DENND1B: variants seen among roughly 807,000 people sequenced by gnomAD.
The protein encoded by DENND1B is DENN domain containing 1B.
A neutral mutation model predicts 90.1 loss-of-function variants in DENND1B; 59 were observed. That is an observed-to-expected ratio of 0.65 (90% CI 0.53 to 0.81). The LOEUF (loss-of-function observed/expected upper bound fraction) is 0.81. Among genes scored for constraint, DENND1B ranks in the 40% least tolerant of loss-of-function variants. The pLI is 0.00. For synonymous variants in DENND1B, 337 were observed against 324.6 expected (o/e 1.04, Z -0.41); for missense variants, 862 against 912.6 (o/e 0.94, Z 0.71).
chr1:197,505,381 T>G lies in DENND1B; in HGVS notation c.*5079A>C, dbSNP rs1667682529. On this transcript the variant is annotated 3_prime_UTR_variant, in exon 23 of 23. Coordinates refer to ENST00000620048, the MANE Select transcript of DENND1B (RefSeq NM_001195215.2). ...TAATGGACCTCAACAAGGCTCACAT[T>G]TGAGAAATGAAATAACAGAGATGAA... 6.6e-6 allele frequency: 1 copy of G among 151,664 alleles called. No individual in the cohort carries two copies. The highest frequency in any genetic ancestry group is 2.4e-5 in the African/African-American group (1 of 41,374). 9.4% of individuals were successfully genotyped at this position (151,664 alleles called of 1,614,324 possible).
intron 15 of DENND1B, among the ~76,000 whole-genome samples, chr1:197,570,050 T>C (rs1673016407): frequency 6.6e-6 from 1 of 151,988 alleles, no homozygotes; most frequent in Non-Finnish European, 1.5e-5. Context: ...CAAATTCCAA[T>C]ATCAGAACAT....
Position 197,505,183 on chromosome 1 carries a change from CA to C in DENND1B, c.*5276del, listed in dbSNP as rs1667673942. On this transcript the variant is annotated 3_prime_UTR_variant, in exon 23 of 23. Coordinates refer to ENST00000620048, the MANE Select transcript of DENND1B (RefSeq NM_001195215.2). Reference sequence around the variant, plus strand: ...CACTGCTGTAAGTACTAAACTACAACAGACTCAAGAAATCCACTTTTTCAAA... The same window carrying C: ...CACTGCTGTAAGTACTAAACTACAACGACTCAAGAAATCCACTTTTTCAAA... The C allele has an allele frequency of 6.6e-6, 1 of 151,756 alleles. No individual in the cohort carries two copies. Among genetic ancestry groups the C allele is most frequent in the South Asian group, 2.1e-4 (1 of 4,826 alleles). The allele number at this position is 151,756 out of a possible 1,614,324, so 9.4% of individuals were successfully genotyped here.
chr1:197,583,012 C>T (rs1025148882), intron 15 of DENND1B, 140 bp downstream of exon 15: 18 of 684,200 alleles, frequency 2.6e-5, no homozygotes, highest in Admixed American at 8.3e-5. Flanking sequence ...TAACTAGCTA[C>T]GACTTACAAA....
At chr1:197,596,149 C>T (rs1206671667) in intron 13 of DENND1B, among the ~76,000 whole-genome samples, 2 of 151,938 alleles carry the variant, frequency 1.3e-5, no homozygotes, top group African/African-American at 4.8e-5. Flanking sequence ...CAAAGAAAAA[C>T]TTACCTAAAA....
At chr1:197,588,107 G>C (rs968952531) in intron 14 of DENND1B, among the ~76,000 whole-genome samples, 1 of 152,326 alleles carries the variant, frequency 6.6e-6, no homozygotes, top group Admixed American at 6.5e-5. Flanking sequence ...CCTAACGGGA[G>C]CTGGGGATCC....
At chr1:197,768,274 CCTA>C (rs367930633) in intron 2 of DENND1B, among the ~76,000 whole-genome samples, 15 of 150,884 alleles carry the variant, frequency 9.9e-5, no homozygotes, top group South Asian at 4.2e-4. Context: ...TCCTCCTCCT[CCTA>C]CTACTACTGC....
intron 2 of DENND1B, chr1:197,746,800 C>T: frequency 1.3e-6 from 2 of 1,597,692 alleles, no homozygotes; most frequent in Non-Finnish European, 8.6e-7. Context: ...TTGCTTCAAA[C>T]CCCCATGCAA....
chr1:197,645,188 T>C (rs1572176357), intron 9 of DENND1B, among the ~76,000 whole-genome samples: 6 of 152,098 alleles, frequency 3.9e-5, no homozygotes, highest in Admixed American at 3.9e-4. Flanking sequence ...TTGCAAGATA[T>C]GTATTGCTTT....
chr1:197,598,374 A>G (rs546138390), intron 13 of DENND1B, among the ~76,000 whole-genome samples: 1 of 151,952 alleles, frequency 6.6e-6, no homozygotes, highest in East Asian at 1.9e-4. Flanking sequence ...AGTTTTAGAT[A>G]TAAGGATATT....
chr1:197,529,242 A>G (rs1359457), intron 20 of DENND1B, among the ~76,000 whole-genome samples: 541 of 10,658 alleles, frequency 0.051, 5 homozygotes, highest in African/African-American at 0.087. Context: ...ATATATATAT[A>G]TGTGTGTGTG....
At chr1:197,518,448 T>C (rs996093906) in intron 20 of DENND1B, among the ~76,000 whole-genome samples, 6 of 151,842 alleles carry the variant, frequency 4.0e-5, no homozygotes, top group Non-Finnish European at 5.9e-5. Context: ...TCCAACCTTA[T>C]TGGGGTAAGG....
At chr1:197,546,167 T>G (rs1414205859) in intron 17 of DENND1B, among the ~76,000 whole-genome samples, 177 bp from the exon 18 acceptor site, 1 of 152,162 alleles carries the variant, frequency 6.6e-6, no homozygotes, top group East Asian at 1.9e-4. Flanking sequence ...ACTTTAATAA[T>G]TTCAAACAAA....
chr1:197,679,937 C>T (rs1279899330), intron 3 of DENND1B, among the ~76,000 whole-genome samples: 1 of 150,348 alleles, frequency 6.7e-6, no homozygotes, highest in Non-Finnish European at 1.5e-5. Context: ...ATTGCTTGAG[C>T]CAAGGAGTTC....
intron 20 of DENND1B, among the ~76,000 whole-genome samples, chr1:197,520,778 A>G (rs1668717054): frequency 6.6e-6 from 1 of 151,972 alleles, no homozygotes; most frequent in Non-Finnish European, 1.5e-5. Context: ...AAAATGGGGA[A>G]TTGGATGTCA....
chr1:197,686,307 A>G (rs1250068164), intron 3 of DENND1B, among the ~76,000 whole-genome samples: 1 of 152,208 alleles, frequency 6.6e-6, no homozygotes, highest in Non-Finnish European at 1.5e-5. Context: ...AGGAATGACT[A>G]ATTTATAAAA....
chr1:197,530,991 G>A (rs894528967), intron 20 of DENND1B, among the ~76,000 whole-genome samples: 11 of 152,074 alleles, frequency 7.2e-5, no homozygotes, highest in African/African-American at 1.9e-4. Flanking sequence ...GACAATAGTG[G>A]TTAGGTACCT....
At chr1:197,645,397 T>C (rs1680641994) in intron 9 of DENND1B, among the ~76,000 whole-genome samples, 1 of 152,016 alleles carries the variant, frequency 6.6e-6, no homozygotes, top group South Asian at 2.1e-4. Flanking sequence ...AAGACCTAAT[T>C]GAATATATAT....
At chr1:197,646,657 G>A (rs1256861573) in intron 8 of DENND1B, among the ~76,000 whole-genome samples, 3 of 151,942 alleles carry the variant, frequency 2.0e-5, no homozygotes, top group Non-Finnish European at 4.4e-5. Context: ...AACAAGGATA[G>A]TTAACACAGT....
At chr1:197,667,259 T>G (rs573000413) in intron 5 of DENND1B, among the ~76,000 whole-genome samples, 1 of 152,288 alleles carries the variant, frequency 6.6e-6, no homozygotes, top group South Asian at 2.1e-4. Flanking sequence ...CCAAGCATCT[T>G]ACAAATCATT....
Sources: allele counts gnomAD v4.1 joint callset (sites outside exome capture counted in the v4.1 genomes callset), GRCh38; gene constraint gnomAD v4.1.1; transcripts MANE v1.5; gene names NCBI Gene and HGNC (gene_info 2026-07-23, HGNC 2026-07-21).